Variants in ANKRD36C observed in about 807,000 individuals in gnomAD.
ANKRD36C encodes the protein ankyrin repeat domain-containing protein 36C.
In ANKRD36C, 61 loss-of-function variants were observed where a neutral mutation model predicts 276.4. The ratio of observed to expected loss-of-function variants is 0.22; its 90% confidence interval spans 0.18 to 0.27. The LOEUF is 0.27. ANKRD36C is among the 10% of genes least tolerant of loss of function. ANKRD36C has a pLI of 1.00. For missense variants in ANKRD36C, 1,447 were observed against 2,032.3 expected (o/e 0.71, Z 5.54); for synonymous variants, 483 against 680.1 (o/e 0.71, Z 4.51).
intron 42 of ANKRD36C, among the ~76,000 whole-genome samples, 168 bp downstream of exon 46, chr2:95,910,205 C>G (rs1055154292): frequency 1.3e-5 from 2 of 151,302 alleles, no homozygotes; most frequent in Non-Finnish European, 3.0e-5. Context: ...AGGTCATGTT[C>G]CAGACCAGCA....
At chr2:95,885,455 G>T (rs1676177414) in intron 52 of ANKRD36C, among the ~76,000 whole-genome samples, 1 of 151,506 alleles carries the variant, frequency 6.6e-6, no homozygotes, top group African/African-American at 2.4e-5. Context: ...AGTTCTTGGA[G>T]AAGCCAAAAT....
At chr2:95,914,290 T>C in exon 39 of ANKRD36C, 10 of 1,549,810 alleles carry the variant, frequency 6.5e-6, no homozygotes, top group Non-Finnish European at 8.7e-6. Context: ...AGCCTGCTGG[T>C]TTCTCAGAAG....
chr2:95,978,665 A>C (rs1678859554), intron 5 of ANKRD36C, among the ~76,000 whole-genome samples: 1 of 152,024 alleles, frequency 6.6e-6, no homozygotes, highest in Non-Finnish European at 1.5e-5. Context: ...TGAAATCCCA[A>C]ATCAAACCCA....
Position 95,975,316 on chromosome 2 carries a change from C to A in ANKRD36C, c.799+2806G>T, listed in dbSNP as rs1404948911. Among the ~76,000 whole-genome samples, 6 of 152,140 alleles carry A rather than the reference C, an allele frequency of 3.9e-5. No homozygotes were observed. The East Asian group carries it at 7.7e-4, about 20-fold the overall frequency. ...TGGAACCAAAAAAGAGCCCACATCA[C>A]CAAGTCAATCCTAAGCCAAAAGAAT... On this transcript the variant is annotated intron_variant, in intron 6 of 66. Transcript: ENST00000456556.
intron 59 of ANKRD36C, among the ~76,000 whole-genome samples, chr2:95,874,118 G>C (rs1467897944): frequency 6.6e-6 from 1 of 152,078 alleles, no homozygotes; most frequent in Non-Finnish European, 1.5e-5. Context: ...GTAATTTATA[G>C]ATTCAATGCC....
At chr2:95,872,827 A>T (rs1675847257) in intron 59 of ANKRD36C, among the ~76,000 whole-genome samples, 1 of 152,196 alleles carries the variant, frequency 6.6e-6, no homozygotes, top group South Asian at 2.1e-4. Context: ...CAAAATGATA[A>T]AGGGGATATC....
At chr2:95,910,075 G>A (rs1374631880) in intron 42 of ANKRD36C, among the ~76,000 whole-genome samples, 26 of 151,046 alleles carry the variant, frequency 1.7e-4, no homozygotes, top group African/African-American at 3.6e-4. Context: ...CCCTTACTGA[G>A]AACAAGCTGG....
At chr2:95,974,758 T>G (rs1358755580) in intron 6 of ANKRD36C, among the ~76,000 whole-genome samples, 2 of 150,748 alleles carry the variant, frequency 1.3e-5, no homozygotes, top group Non-Finnish European at 3.0e-5. Flanking sequence ...ACCCAATACC[T>G]CATCATTTAG....
intron 1 of ANKRD36C, among the ~76,000 whole-genome samples, chr2:95,988,887 G>A (rs1235643926): frequency 6.6e-6 from 1 of 152,090 alleles, no homozygotes; most frequent in Non-Finnish European, 1.5e-5. Context: ...TAAAAATAAG[G>A]CCAGGCACAG....
At chr2:95,912,526 T>G in intron 40 of ANKRD36C, 91 bp from the exon 43 acceptor site, 1 of 1,585,034 alleles carries the variant, frequency 6.3e-7, no homozygotes, top group Non-Finnish European at 8.6e-7. Flanking sequence ...ACCTCTGACC[T>G]CCTGCCTGTA....
chr2:95,923,307 T>C (rs1398848868), intron 32 of ANKRD36C, among the ~76,000 whole-genome samples, 188 bp downstream of exon 32: 1 of 151,754 alleles, frequency 6.6e-6, no homozygotes, highest in East Asian at 2.0e-4. Flanking sequence ...GTCTATAATC[T>C]TACCGCGAAG....
chr2:95,978,797 T>A (rs2918846), intron 5 of ANKRD36C, among the ~76,000 whole-genome samples: 4 of 152,100 alleles, frequency 2.6e-5, no homozygotes, highest in African/African-American at 7.2e-5. Context: ...CAACTATTTC[T>A]TAATTCATAA....
At chr2:95,962,319 T>C in intron 8 of ANKRD36C, 33 bp downstream of exon 8, 3 of 1,543,228 alleles carry the variant, frequency 1.9e-6, no homozygotes, top group Non-Finnish European at 2.6e-6. Flanking sequence ...CTATCCTGAG[T>C]GAACATGACA....
chr2:95,958,470 A>G, intron 12 of ANKRD36C, 121 bp downstream of exon 12: 1 of 1,326,788 alleles, frequency 7.5e-7, no homozygotes, highest in Non-Finnish European at 1.0e-6. Context: ...CAAATGCAGA[A>G]TCTCAGGCCC....
chr2:95,948,713 GA>G lies in ANKRD36C; in HGVS notation c.1296-118del. ...AACAAATGGTAAAACAAAGTCTGAG[GA>G]AGGTCAGTTATCCTTATATTAAATA... On this transcript the variant is annotated intron_variant, in intron 16 of 66. Coordinates refer to ENST00000456556, the Ensembl canonical transcript of ANKRD36C. 5 of 866,118 alleles carry G rather than the reference GA, an allele frequency of 5.8e-6. No homozygotes were observed. In the Middle Eastern group the frequency reaches 1.3e-3, roughly 223 times the overall value. 53.7% of individuals were successfully genotyped at this position (866,118 alleles called of 1,614,324 possible). A position where few individuals can be genotyped will look rare whatever the true frequency, so the allele number is the denominator to read the frequency against.
intron 26 of ANKRD36C, 28 bp downstream of exon 26, chr2:95,929,044 T>C (rs1042471817): frequency 1.1e-5 from 18 of 1,600,900 alleles, no homozygotes; most frequent in Non-Finnish European, 1.4e-5. Flanking sequence ...TGATTGAACA[T>C]GACATTAGAA....
At chr2:95,884,582 T>C (rs577111644) in intron 52 of ANKRD36C, among the ~76,000 whole-genome samples, 6 of 152,160 alleles carry the variant, frequency 3.9e-5, no homozygotes, top group South Asian at 4.1e-4. Context: ...ATTTCAAGCA[T>C]GGTATGATTT....
chr2:95,885,397 G>A (rs1324807591), intron 52 of ANKRD36C, among the ~76,000 whole-genome samples: 7 of 151,830 alleles, frequency 4.6e-5, no homozygotes, highest in East Asian at 1.9e-4. Flanking sequence ...GAGGAGTAAC[G>A]AGTCAGTGTG....
chr2:95,874,986 T>C (rs957268703), intron 59 of ANKRD36C, among the ~76,000 whole-genome samples: 2 of 152,122 alleles, frequency 1.3e-5, no homozygotes, highest in African/African-American at 4.8e-5. Flanking sequence ...TGAGATACCA[T>C]CTCACACCAG....
Sources: gnomAD v4.1 joint callset for allele counts (sites outside exome capture counted in the v4.1 genomes callset) on GRCh38, gnomAD v4.1.1 for gene constraint, MANE v1.5 for transcripts, NCBI Gene and HGNC (gene_info 2026-07-23, HGNC 2026-07-21) for gene names.